The following CORO7 variants were observed in gnomAD, a reference collection of about 807,000 sequenced individuals.
The protein encoded by CORO7 is coronin 7, also known as coronin-7.
In CORO7, 107 loss-of-function variants were observed where a neutral mutation model predicts 126.6. The ratio of observed to expected loss-of-function variants is 0.85; its 90% confidence interval spans 0.72 to 0.99. The LOEUF (loss-of-function observed/expected upper bound fraction) is 0.99. CORO7 is among the 50% of genes least tolerant of loss of function. The probability of loss-of-function intolerance (pLI) is 0.00; values close to 1 mark genes in which losing one functional copy is unlikely to be tolerated. For missense variants in CORO7, 1,314 were observed against 1,255.8 expected (o/e 1.05, Z -0.70); for synonymous variants, 603 against 536.8 (o/e 1.12, Z -1.70).
intron 9 of CORO7, chr16:4,382,556 A>G (rs1320364822): frequency 3.1e-6 from 5 of 1,592,864 alleles, no homozygotes; most frequent in Non-Finnish European, 4.3e-6. Context: ...CCAGCCGTCC[A>G]CTCCAACCAC....
At chr16:4,394,173 C>G (rs1055746486) in intron 7 of CORO7, among the ~76,000 whole-genome samples, 1 of 151,480 alleles carries the variant, frequency 6.6e-6, no homozygotes, top group African/African-American at 2.4e-5. Context: ...TGGCCGGACA[C>G]GGTGGCTCAG....
At chr16:4,363,501 T>G (rs2054250122) in intron 14 of CORO7, among the ~76,000 whole-genome samples, 1 of 146,964 alleles carries the variant, frequency 6.8e-6, no homozygotes, top group African/African-American at 2.6e-5. Flanking sequence ...GGTTAGGAGT[T>G]TAAGACCAGC....
In CORO7 at chr16:4,358,429, G is replaced by A. The variant is rs142775260; in HGVS notation, c.2395C>T (p.Arg799Trp). The A allele has an allele frequency of 1.1e-5, 18 of 1,611,740 alleles. No homozygotes were observed. In the African/African-American group the frequency reaches 1.6e-4, roughly 14 times the overall value. The change falls in exon 24 of 28, where the codon CGG (arginine) becomes TGG (tryptophan). Residue 799 changes from arginine (R) to tryptophan (W), a missense_variant. Physicochemically the swap from Arg to Trp is moderately radical, Grantham distance 101 (BLOSUM62 -3). Coordinates refer to ENST00000251166, the MANE Select transcript of CORO7 (RefSeq NM_024535.5). ...ECDVREVELM[R>W]CLRLRQSSLE... ...GAGGACTGACGCAGCCGCAGGCACC[G>A]CATCAGCTCCACTTCCCGCACGTCG...
At chr16:4,359,839 T>C (rs1179900360) in intron 21 of CORO7, among the ~76,000 whole-genome samples, 3 of 151,336 alleles carry the variant, frequency 2.0e-5, no homozygotes, top group African/African-American at 4.9e-5. Context: ...TACCCCTGAC[T>C]GCCTCACCGC....
In CORO7 at chr16:4,355,272, C is replaced by A. The variant is rs774682283; in HGVS notation, c.2772+14G>T. ...CGCGCTGCCTGCCGGGAAGTGAGGC[C>A]ACTCACTACTCACCCACTCGTCCTC... is the stretch of plus-strand genomic sequence containing the variant. On this transcript the variant is annotated intron_variant, in intron 27 of 27. Transcript: ENST00000251166. 1 of 1,613,158 alleles carries A rather than the reference C, an allele frequency of 6.2e-7. No homozygotes were observed. The highest frequency in any genetic ancestry group is 1.1e-5 in the South Asian group (1 of 90,898).
chr16:4,363,034 C>T (rs1450013535), intron 14 of CORO7: 2 of 322,818 alleles, frequency 6.2e-6, no homozygotes, highest in Non-Finnish European at 1.1e-5. Context: ...AAATCTAGAT[C>T]TGTATGAAAA....
chr16:4,358,502 C>T lies in CORO7; in HGVS notation c.2341-19G>A, dbSNP rs1420290851. On this transcript the variant is annotated intron_variant, in intron 23 of 27. Transcript: ENST00000251166. ...CGAGGCCCTGGGGGAGCAAGGGAGT[C>T]GGAGCTGCCGCTGGGACCTAGAGCT... 8 of 1,567,342 alleles carry T rather than the reference C, an allele frequency of 5.1e-6. No homozygotes were observed. Among genetic ancestry groups the T allele is most frequent in the African/African-American group, 4.1e-5 (3 of 73,854 alleles).
intron 9 of CORO7, among the ~76,000 whole-genome samples, chr16:4,375,228 C>A (rs980170067): frequency 2.6e-5 from 4 of 152,184 alleles, no homozygotes; most frequent in African/African-American, 7.2e-5. Context: ...CACGGTGCTA[C>A]TGAAGGCACC....
At chr16:4,408,350 C>T in intron 3 of CORO7, 99 bp from the exon 4 acceptor site, 1 of 1,531,146 alleles carries the variant, frequency 6.5e-7, no homozygotes, top group Non-Finnish European at 9.0e-7. Flanking sequence ...TGTGTGCACA[C>T]AGAAACAGGC....
chr16:4,381,351 C>T (rs778231664), intron 9 of CORO7: 31 of 1,602,642 alleles, frequency 1.9e-5, no homozygotes, highest in South Asian at 4.5e-5. Flanking sequence ...TGCAGGACAA[C>T]GAGCTGCGGG....
chr16:4,367,724 C>T (rs1203659784), intron 9 of CORO7, among the ~76,000 whole-genome samples: 1 of 152,090 alleles, frequency 6.6e-6, no homozygotes, highest in Non-Finnish European at 1.5e-5. Context: ...CAGGTGGGTT[C>T]ATGGCCTGTT....
intron 7 of CORO7, among the ~76,000 whole-genome samples, 195 bp from the exon 8 acceptor site, chr16:4,388,826 C>T (rs779315426): frequency 9.2e-5 from 14 of 152,162 alleles, no homozygotes; most frequent in Non-Finnish European, 1.6e-4. Flanking sequence ...GGATCAGCCC[C>T]GCCTCCGCCC....
intron 6 of CORO7, chr16:4,397,544 T>C (rs528380402): frequency 1.3e-5 from 2 of 152,254 alleles, no homozygotes; most frequent in African/African-American, 4.8e-5. Flanking sequence ...AAGAATCACT[T>C]GAGCCCCGGA....
At chr16:4,356,960 G>T in intron 26 of CORO7, 1 of 683,106 alleles carries the variant, frequency 1.5e-6, no homozygotes, top group East Asian at 2.8e-5. Flanking sequence ...GCCTGGCCAG[G>T]GCAGGGCTCC....
chr16:4,402,917 CAGG>C (rs1337112636), intron 6 of CORO7, among the ~76,000 whole-genome samples: 1 of 151,952 alleles, frequency 6.6e-6, no homozygotes, highest in Non-Finnish European at 1.5e-5. Context: ...TGAGAGGGAG[CAGG>C]AGGGGGCTTT....
At chr16:4,364,741 A>C (rs1182487399) in intron 12 of CORO7, 34 bp downstream of exon 12, 2 of 1,598,876 alleles carry the variant, frequency 1.3e-6, no homozygotes, top group Non-Finnish European at 1.7e-6. Context: ...CCGACTCCCC[A>C]GCCCCCGCAG....
intron 1 of CORO7, chr16:4,414,256 A>T (rs2056325233): frequency 6.6e-6 from 1 of 151,734 alleles, no homozygotes; most frequent in Non-Finnish European, 1.5e-5. Context: ...GGAGAAAAAC[A>T]CCCAAGCTCA....
chr16:4,387,692 C>T, intron 9 of CORO7: 1 of 512,540 alleles, frequency 2.0e-6, no homozygotes, highest in South Asian at 2.7e-5. Context: ...ATCACACCCT[C>T]TCCCTGAATG....
intron 6 of CORO7, among the ~76,000 whole-genome samples, chr16:4,399,079 A>G (rs1348280055): frequency 6.6e-6 from 1 of 152,218 alleles, no homozygotes; most frequent in Non-Finnish European, 1.5e-5. Flanking sequence ...ACAGTATGGC[A>G]GTTCCTCAAA....
Sources: gnomAD v4.1 joint callset for allele counts (sites outside exome capture counted in the v4.1 genomes callset) on GRCh38, gnomAD v4.1.1 for gene constraint, MANE v1.5 for transcripts, NCBI Gene and HGNC (gene_info 2026-07-23, HGNC 2026-07-21) for gene names.